ATM: variants seen among roughly 807,000 people sequenced by gnomAD.
ATM encodes the protein serine-protein kinase ATM.
A neutral mutation model predicts 387.0 loss-of-function variants in ATM; 308 were observed. The ratio of observed to expected loss-of-function variants is 0.80; its 90% CI spans 0.73 to 0.87. The LOEUF (loss-of-function observed/expected upper bound fraction) is 0.87. ATM is among the 40% of genes least tolerant of loss of function. ATM has a pLI of 0.00. For synonymous variants in ATM, 1,156 were observed against 1,187.3 expected (o/e 0.97, Z 0.54); for missense variants, 3,312 against 3,560.9 (o/e 0.93, Z 1.78).
At chr11:108,287,111 G>C (rs1219709288) in intron 26 of ATM, 1 of 153,562 alleles carries the variant, frequency 6.5e-6, no homozygotes, top group Non-Finnish European at 1.4e-5. Flanking sequence ...ATTTGGGATG[G>C]CACTCAAGTA....
chr11:108,327,397 CATATAT>C, intron 47 of ATM: 1 of 437,502 alleles, frequency 2.3e-6, no homozygotes, highest in Non-Finnish European at 4.2e-6. Context: ...AAGTGTCTGA[CATATAT>C]AAGTACTCAA....
intron 35 of ATM, 150 bp downstream of exon 35, chr11:108,301,939 A>AGG: frequency 1.1e-6 from 1 of 951,192 alleles, no homozygotes; most frequent in Non-Finnish European, 1.6e-6. Flanking sequence ...TCATAAATCC[A>AGG]GGGAATGTGT....
chr11:108,248,902 A>T (rs2079984800), intron 8 of ATM, 31 bp from the exon 9 acceptor site: 1 of 1,562,996 alleles, frequency 6.4e-7, no homozygotes, highest in Non-Finnish European at 8.7e-7. Context: ...AAAAAAAAAA[A>T]GAAAAAAGTG....
intron 4 of ATM, 42 bp from the exon 5 acceptor site, chr11:108,235,628 G>T (rs1368417441): frequency 6.6e-7 from 1 of 1,513,392 alleles, no homozygotes. Flanking sequence ...TCTTATTTTT[G>T]TTCAAATTTA....
At position 108,281,681 on chromosome 11, in the gene ATM, A is replaced by G. The variant is rs76237919; in HGVS notation, c.3576+513A>G. 1.7e-3 allele frequency among the ~76,000 whole-genome samples: 257 copies of G among 152,304 alleles called. 1 individual carries two copies. Among genetic ancestry groups the G allele is most frequent in the Non-Finnish European group, 2.8e-3 (193 of 68,018 alleles). ...TCTCTTTTCCATCACCTCAGCATTTATGGTTTAGGAAGTTCCAGACCTTTC... is the reference window on the plus strand; with the variant it reads ...TCTCTTTTCCATCACCTCAGCATTTGTGGTTTAGGAAGTTCCAGACCTTTC... On this transcript the variant is annotated intron_variant, in intron 24 of 62. Coordinates refer to ENST00000675843, the MANE Select transcript of ATM (RefSeq NM_000051.4).
At chr11:108,365,011 G>C (rs2091183476) in intron 61 of ATM, 71 bp from the exon 62 acceptor site, 1 of 1,548,694 alleles carries the variant, frequency 6.5e-7, no homozygotes, top group South Asian at 1.1e-5. Flanking sequence ...GTATGATACT[G>C]GTTCTACTGT....
rs1278892814 is a variant in ATM, at chr11:108,325,964, A to G, written c.6808-94A>G. 6.1e-6 allele frequency: 9 copies of G among 1,474,636 alleles called. No individual in the cohort carries two copies. The African/African-American group carries it at 7.0e-5, about 11-fold the overall frequency. 91.3% of individuals were successfully genotyped at this position (1,474,636 alleles called of 1,614,324 possible). On this transcript the variant is annotated intron_variant, in intron 46 of 62. Transcript: ENST00000675843. ...TCCCTGACAAGTAGTTAAGTCCTCA[A>G]TGAATGGTAGTTGCTGCTTTCATTA...
chr11:108,266,142 C>A (rs2081222471), intron 16 of ATM, among the ~76,000 whole-genome samples: 1 of 148,872 alleles, frequency 6.7e-6, no homozygotes, highest in African/African-American at 2.5e-5. Flanking sequence ...GGGTATATAC[C>A]CAAAGGACTA....
At chr11:108,356,741 T>TA (rs2089975314) in intron 61 of ATM, among the ~76,000 whole-genome samples, 1 of 152,118 alleles carries the variant, frequency 6.6e-6, no homozygotes, top group African/African-American at 2.4e-5. Context: ...TCAGAAATCT[T>TA]ACTAGTTTAA....
At chr11:108,241,164 C>T (rs914043287) in intron 5 of ATM, among the ~76,000 whole-genome samples, 1 of 152,174 alleles carries the variant, frequency 6.6e-6, no homozygotes, top group African/African-American at 2.4e-5. Flanking sequence ...TGCATCTTGT[C>T]CCCCTGGGAG....
intron 16 of ATM, among the ~76,000 whole-genome samples, chr11:108,265,151 C>T (rs1175183021): frequency 6.6e-6 from 1 of 151,176 alleles, no homozygotes; most frequent in African/African-American, 2.4e-5. Flanking sequence ...TCATATGGAA[C>T]CAAAAAAGAG....
Position 108,293,500 on chromosome 11 carries a change from C to CG in ATM, c.4776+23_4776+24insG, listed in dbSNP as rs55817616. ...GAGGTAATAAAAATTTCATCATCTACTATTTTTTATTAGAGAACATAGTAG... is the reference window on the plus strand; with the variant it reads ...GAGGTAATAAAAATTTCATCATCTACGTATTTTTTATTAGAGAACATAGTAG... On this transcript the variant is annotated intron_variant, in intron 31 of 62. Transcript: ENST00000675843. The CG allele has an allele frequency of 1.1e-5, 17 of 1,577,336 alleles. No homozygotes were observed. In the East Asian group the frequency reaches 3.6e-4, roughly 33 times the overall value.
At chr11:108,261,316 G>A (rs891166381) in intron 16 of ATM, among the ~76,000 whole-genome samples, 2 of 152,278 alleles carry the variant, frequency 1.3e-5, no homozygotes, top group East Asian at 3.9e-4. Flanking sequence ...CCTCAAGTGG[G>A]TCCCTGACCC....
At position 108,268,395 on chromosome 11, in the gene ATM, G is replaced by T. The variant is rs757723219; in HGVS notation, c.2639-15G>T. 1 of 1,611,890 alleles carries T rather than the reference G, an allele frequency of 6.2e-7. No homozygotes were observed. The highest frequency in any genetic ancestry group is 1.7e-5 in the Admixed American group (1 of 60,000). The stretch of plus-strand genomic sequence containing the variant: ...TGCCCTTCTCTTAGTGTTAATGAGT[G>T]CTTTTTATTTTTAGGTGCCATTAAT... On this transcript the variant is annotated splice_polypyrimidine_tract_variant and intron_variant, in intron 17 of 62. Coordinates refer to ENST00000675843, the MANE Select transcript of ATM (RefSeq NM_000051.4).
rs1027147966 is a variant in ATM, at chr11:108,368,610, T to A, written c.*3102T>A. The stretch of plus-strand genomic sequence containing the variant: ...TTGAAAAGATTTCAGGCGAAAAGAA[T>A]CTGGGGTTTGCCAGTCAGTTGCTCA... On this transcript the variant is annotated 3_prime_UTR_variant, in exon 63 of 63. Transcript: ENST00000675843. 2.7e-5 allele frequency: 6 copies of A among 218,384 alleles called. No individual in the cohort carries two copies. The highest frequency in any genetic ancestry group is 5.5e-5 in the Non-Finnish European group (6 of 108,890). 13.5% of individuals were successfully genotyped at this position (218,384 alleles called of 1,614,324 possible).
chr11:108,352,119 C>G (rs1014541435), intron 59 of ATM, among the ~76,000 whole-genome samples: 2 of 152,182 alleles, frequency 1.3e-5, no homozygotes, highest in African/African-American at 4.8e-5. Flanking sequence ...AATTGAAAAT[C>G]ATTAGGCATA....
At position 108,227,945 on chromosome 11, in the gene ATM, G is replaced by C. The variant is rs2135016860; in HGVS notation, c.185+57G>C. 1.8e-5 allele frequency: 25 copies of C among 1,410,038 alleles called. No individual in the cohort carries two copies. The South Asian group carries it at 3.0e-4, about 17-fold the overall frequency. 87.3% of individuals were successfully genotyped at this position (1,410,038 alleles called of 1,614,324 possible). On this transcript the variant is annotated intron_variant, in intron 3 of 62. Transcript: ENST00000675843. Reference sequence around the variant, plus strand: ...ATTTTTCTCTTTCATATTTATTTCTGTTGTGATATTACTTTTGTGTGTAAG... The same window carrying C: ...ATTTTTCTCTTTCATATTTATTTCTCTTGTGATATTACTTTTGTGTGTAAG...
intron 32 of ATM, chr11:108,295,840 T>C (rs779603413): frequency 1.3e-5 from 2 of 152,036 alleles, no homozygotes; most frequent in African/African-American, 2.4e-5. Flanking sequence ...TTTTTTTTAG[T>C]AGAGACGGGG....
intron 55 of ATM, chr11:108,335,433 C>T (rs772772355): frequency 1.2e-5 from 7 of 565,012 alleles, no homozygotes; most frequent in South Asian, 7.9e-5. Context: ...TGCAAGTTGA[C>T]GTCCTTTGCA....
Sources: gnomAD v4.1 joint callset for allele counts (sites outside exome capture counted in the v4.1 genomes callset) on GRCh38, gnomAD v4.1.1 for gene constraint, MANE v1.5 for transcripts, NCBI Gene and HGNC (gene_info 2026-07-23, HGNC 2026-07-21) for gene names.